The following CDC5L variants were observed in gnomAD, a reference collection of about 807,000 sequenced individuals.
CDC5L encodes the protein cell division cycle 5 like.
Under a neutral mutation model 104.1 loss-of-function variants are expected in CDC5L, and 18 were observed. That is an observed-to-expected ratio of 0.17 (90% CI 0.12 to 0.26). The LOEUF (loss-of-function observed/expected upper bound fraction) is 0.26, where lower values mean the gene tolerates loss of function less well. CDC5L is among the 10% of genes least tolerant of loss of function. The pLI, the probability that CDC5L is intolerant of heterozygous loss-of-function variation, is 1.00. For synonymous variants in CDC5L, 331 were observed against 322.7 expected, an observed-to-expected ratio of 1.03 and a Z score of -0.28; for missense variants, 673 against 956.9, an observed-to-expected ratio of 0.70 and a Z score of 3.91.
At position 44,426,203 on chromosome 6, in the gene CDC5L, G is replaced by C. The variant is rs768627916; in HGVS notation, c.1650+20G>C. 3 of 1,539,774 alleles carry C rather than the reference G, an allele frequency of 1.9e-6. No individual in the cohort carries two copies. The South Asian group carries it at 3.5e-5, about 18-fold the overall frequency. ...TCAGAAGTAAGTGTTAGAATTTCTGGTTTAGGAAGTTTTAAGTTTCTTTTT... is the reference window on the plus strand; with the variant it reads ...TCAGAAGTAAGTGTTAGAATTTCTGCTTTAGGAAGTTTTAAGTTTCTTTTT... On this transcript the variant is annotated intron_variant, in intron 12 of 15. Coordinates refer to ENST00000371477, the MANE Select transcript of CDC5L (RefSeq NM_001253.4).
At chr6:44,444,615 C>A (rs1164395905) in intron 14 of CDC5L, among the ~76,000 whole-genome samples, 3 of 152,034 alleles carry the variant, frequency 2.0e-5, no homozygotes, top group Admixed American at 6.5e-5. Context: ...CAGTTATAAA[C>A]CCTTTTTGGA....
At position 44,418,632 on chromosome 6, in the gene CDC5L, A is replaced by G. The variant is rs1338576953; in HGVS notation, c.1093-817A>G. Among the ~76,000 whole-genome samples, 718 of 151,330 alleles carry G rather than the reference A, an allele frequency of 4.7e-3. 6 individuals carry two copies. Among genetic ancestry groups the G allele is most frequent in the African/African-American group, 0.017 (677 of 40,666 alleles). ...CCACCAGCAGTGTAAAAGTGTTCCT[A>G]TTTCTCCACATCCTCTCCAGCACCT... On this transcript the variant is annotated intron_variant, in intron 8 of 15. Coordinates refer to ENST00000371477, the MANE Select transcript of CDC5L (RefSeq NM_001253.4).
intron 8 of CDC5L, among the ~76,000 whole-genome samples, chr6:44,412,592 A>T (rs1425263395): frequency 5.0e-5 from 5 of 99,752 alleles, no homozygotes; most frequent in Non-Finnish European, 1.3e-4. Context: ...ACTTGAAATT[A>T]AAAAAAATAG....
intron 7 of CDC5L, among the ~76,000 whole-genome samples, chr6:44,407,381 C>G (rs1437398211): frequency 6.6e-6 from 1 of 150,644 alleles, no homozygotes; most frequent in Non-Finnish European, 1.5e-5. Flanking sequence ...GGCTGGAGTA[C>G]CGTGGTGCCA....
At chr6:44,432,016 C>G (rs1360596606) in intron 14 of CDC5L, among the ~76,000 whole-genome samples, 1 of 152,140 alleles carries the variant, frequency 6.6e-6, no homozygotes, top group African/African-American at 2.4e-5. Flanking sequence ...AATACTTAAT[C>G]AAGTCCTTTA....
intron 14 of CDC5L, among the ~76,000 whole-genome samples, chr6:44,438,155 C>T (rs1228440273): frequency 6.6e-6 from 1 of 152,144 alleles, no homozygotes; most frequent in African/African-American, 2.4e-5. Flanking sequence ...ACTCTATTGT[C>T]CAGGTTGGTC....
chr6:44,435,933 C>T (rs1238142430), intron 14 of CDC5L, among the ~76,000 whole-genome samples: 1 of 151,972 alleles, frequency 6.6e-6, no homozygotes, highest in East Asian at 2.0e-4. Flanking sequence ...AGGTGCCTGC[C>T]ACCACGCTCG....
rs1445880943 is a variant in CDC5L, at chr6:44,387,809, C to T, written c.-15C>T. 4 of 1,559,162 alleles carry T rather than the reference C, an allele frequency of 2.6e-6. No homozygotes were observed. The highest frequency in any genetic ancestry group is 3.8e-5 in the Admixed American group (2 of 52,188). On this transcript the variant is annotated 5_prime_UTR_variant, in exon 1 of 16. Coordinates refer to ENST00000371477, the MANE Select transcript of CDC5L (RefSeq NM_001253.4). ...AGCTCCTCTCGGCTGCTTGCCGAGA[C>T]ACCCTGCCGCCAAGATGCCTCGAAT... is the stretch of plus-strand genomic sequence containing the variant.
intron 5 of CDC5L, among the ~76,000 whole-genome samples, chr6:44,400,413 A>C (rs1791066606): frequency 6.6e-6 from 1 of 152,100 alleles, no homozygotes; most frequent in Non-Finnish European, 1.5e-5. Flanking sequence ...TTTGAGACGG[A>C]GTCTCGCTCT....
chr6:44,436,334 G>A (rs526851), intron 14 of CDC5L, among the ~76,000 whole-genome samples: 71,773 of 151,894 alleles, frequency 0.47, 19,801 homozygotes, highest in East Asian at 0.75. Flanking sequence ...AATGTCTGAA[G>A]TTTTAGACAT....
chr6:44,406,277 G>T, intron 6 of CDC5L, 46 bp from the exon 7 acceptor site: 2 of 1,387,354 alleles, frequency 1.4e-6, no homozygotes, highest in Non-Finnish European at 2.0e-6. Context: ...AATGTTTTTG[G>T]CTATATGTAA....
chr6:44,389,545 A>G (rs1032687191), intron 1 of CDC5L, among the ~76,000 whole-genome samples: 1 of 152,188 alleles, frequency 6.6e-6, no homozygotes, highest in Non-Finnish European at 1.5e-5. Flanking sequence ...AGGTTGGTGC[A>G]TTCCACATGG....
chr6:44,406,641 C>T (rs1482459409), intron 7 of CDC5L, among the ~76,000 whole-genome samples, 174 bp downstream of exon 7: 2 of 152,042 alleles, frequency 1.3e-5, no homozygotes, highest in African/African-American at 4.8e-5. Flanking sequence ...CTGTGGTGGC[C>T]CACACCTGTT....
chr6:44,390,152 T>A, intron 1 of CDC5L, 116 bp from the exon 2 acceptor site: 1 of 641,274 alleles, frequency 1.6e-6, no homozygotes, highest in South Asian at 1.9e-5. Flanking sequence ...CTAGGTGGTG[T>A]GTATGTGCAT....
At chr6:44,445,252 A>C (rs1232098790) in intron 14 of CDC5L, among the ~76,000 whole-genome samples, 1 of 152,102 alleles carries the variant, frequency 6.6e-6, no homozygotes, top group Non-Finnish European at 1.5e-5. Context: ...TGGGGTCTTG[A>C]TGTGTGAACA....
chr6:44,412,457 G>C (rs1041418825), intron 8 of CDC5L, among the ~76,000 whole-genome samples: 1 of 151,854 alleles, frequency 6.6e-6, no homozygotes, highest in Non-Finnish European at 1.5e-5. Flanking sequence ...GAATTCCTGG[G>C]TTCAAGTGAT....
At chr6:44,420,280 G>A (rs978182796) in intron 9 of CDC5L, among the ~76,000 whole-genome samples, 1 of 151,866 alleles carries the variant, frequency 6.6e-6, no homozygotes, top group Non-Finnish European at 1.5e-5. Flanking sequence ...AGTTGCTTCT[G>A]TGAAGACATT....
intron 10 of CDC5L, among the ~76,000 whole-genome samples, chr6:44,423,941 A>G (rs538096616): frequency 6.6e-6 from 1 of 152,268 alleles, no homozygotes; most frequent in South Asian, 2.1e-4. Flanking sequence ...CCCTGGCCTC[A>G]GACCTCCTGT....
Position 44,422,637 on chromosome 6 carries a change from G to A in CDC5L, c.1242-10G>A. 1 of 1,543,108 alleles carries A rather than the reference G, an allele frequency of 6.5e-7. No individual in the cohort carries two copies. Among genetic ancestry groups the A allele is most frequent in the East Asian group, 2.4e-5 (1 of 41,430 alleles). Reference sequence around the variant, plus strand: ...GGCACTTCTGTTAATTGGGATTCCTGTCTTTCTAGGACTCCTTCTAATGGA... The same window carrying A: ...GGCACTTCTGTTAATTGGGATTCCTATCTTTCTAGGACTCCTTCTAATGGA... On this transcript the variant is annotated splice_polypyrimidine_tract_variant and intron_variant, in intron 9 of 15. Coordinates refer to ENST00000371477, the MANE Select transcript of CDC5L (RefSeq NM_001253.4).
Sources: gnomAD v4.1 joint callset for allele counts (sites outside exome capture counted in the v4.1 genomes callset) on GRCh38, gnomAD v4.1.1 for gene constraint, MANE v1.5 for transcripts, NCBI Gene and HGNC (gene_info 2026-07-23, HGNC 2026-07-21) for gene names.